Variants in ITGB2 observed in about 807,000 individuals in gnomAD.
ITGB2 encodes integrin beta-2.
ITGB2 carries 56 observed loss-of-function variants against 86.8 expected under a neutral mutation model. The ratio of observed to expected loss-of-function variants is 0.65; its 90% CI spans 0.52 to 0.81. ITGB2 has a LOEUF of 0.81. ITGB2 is among the 30% of genes least tolerant of loss of function. The pLI, the probability that ITGB2 is intolerant of heterozygous loss-of-function variation, is 0.00. For synonymous variants in ITGB2, 457 were observed against 450.4 expected, an observed-to-expected ratio of 1.01 and a Z score of -0.19; for missense variants, 948 against 1,061.2, an observed-to-expected ratio of 0.89 and a Z score of 1.48.
At chr21:44,928,626 C>CGGGTT (rs1181781266) in intron 1 of ITGB2, 1 of 138,578 alleles carries the variant, frequency 7.2e-6, no homozygotes, top group African/African-American at 2.7e-5. Flanking sequence ...CGGGTCGGGT[C>CGGGTT]GGGTTGGGTC....
intron 3 of ITGB2, 129 bp downstream of exon 3, chr21:44,910,155 C>G (rs1233167836): frequency 4.1e-6 from 5 of 1,213,540 alleles, no homozygotes; most frequent in Non-Finnish European, 4.6e-6. Flanking sequence ...GAGGGTGAGG[C>G]CAGGGTCTGG....
At chr21:44,920,433 A>G in intron 1 of ITGB2, among the ~76,000 whole-genome samples, 1 of 152,178 alleles carries the variant, frequency 6.6e-6, no homozygotes, top group Non-Finnish European at 1.5e-5. Flanking sequence ...TAACACAGGC[A>G]GGCGCAGCAG....
intron 3 of ITGB2, among the ~76,000 whole-genome samples, chr21:44,907,717 T>G (rs1456346534): frequency 6.6e-6 from 1 of 152,182 alleles, no homozygotes; most frequent in South Asian, 2.1e-4. Context: ...GTGCTGGTGA[T>G]GCGGGGCCAG....
chr21:44,890,008 G>T lies in ITGB2; in HGVS notation c.1627C>A (p.Arg543Ser). The change falls in exon 12 of 16, where the codon CGC (arginine) becomes AGC (serine). Residue 543 changes from arginine (R) to serine (S), a missense_variant. Transcript: ENST00000652462. ...CCGCCGCAGACCTGGCCGTTGTAGC[G>T]CTCACAGTTGATGGTGTCACACTCG... ...YCECDTINCE[R>S]YNGQVCGGPG... 2 of 1,613,362 alleles carry T rather than the reference G, an allele frequency of 1.2e-6. No individual in the cohort carries two copies. The highest frequency in any genetic ancestry group is 2.7e-5 in the African/African-American group (2 of 75,030).
Position 44,909,971 on chromosome 21 carries a change from G to A in ITGB2, c.147+313C>T, listed in dbSNP as rs538540481. Among the ~76,000 whole-genome samples, 10 of 152,352 alleles carry A rather than the reference G, an allele frequency of 6.6e-5. No individual in the cohort carries two copies. The South Asian group carries it at 8.3e-4, about 13-fold the overall frequency. On this transcript the variant is annotated intron_variant, in intron 3 of 15. Coordinates refer to ENST00000652462, the MANE Select transcript of ITGB2 (RefSeq NM_000211.5). ...CGCGCGTGTTTCTGCACTTGCTTAC[G>A]TAGTTTTGTAAGTGAAAACCTTGTT...
chr21:44,910,941 C>T (rs1038384212), intron 1 of ITGB2, 156 bp from the exon 2 acceptor site: 2 of 698,522 alleles, frequency 2.9e-6, no homozygotes, highest in African/African-American at 1.8e-5. Flanking sequence ...CTGCACTGGG[C>T]CCAGCTGCCA....
At chr21:44,901,764 G>A in intron 5 of ITGB2, 31 bp from the exon 6 acceptor site, 2 of 1,590,958 alleles carry the variant, frequency 1.3e-6, no homozygotes, top group South Asian at 2.2e-5. Flanking sequence ...CTGGGGAGGT[G>A]GCAGGCTGGG....
At chr21:44,901,780 GT>G (rs1408381499) in intron 5 of ITGB2, 47 bp from the exon 6 acceptor site, 3 of 1,580,490 alleles carry the variant, frequency 1.9e-6, no homozygotes, top group Admixed American at 3.4e-5. Flanking sequence ...CTGGGCCCAG[GT>G]GGGAGGGCCA....
At position 44,889,278 on chromosome 21, in the gene ITGB2, G is replaced by A. The variant is rs1457633199; in HGVS notation, c.1875C>T (p.Tyr625=). Residue 625 remains tyrosine (Y), a splice_region_variant and synonymous_variant, in exon 13 of 16, where the codon TAC becomes TAT. Transcript: ENST00000652462. ...CTGCCTGCTCCGCCTGCACTCACATGTACTTGCCACAGGGTGAGGGGCAGC... is the reference window on the plus strand; with the variant it reads ...CTGCCTGCTCCGCCTGCACTCACATATACTTGCCACAGGGTGAGGGGCAGC... The part of the protein sequence containing the change: ...CPGCPSPCGK[Y]ISCAECLKFE... 2 of 1,612,554 alleles carry A rather than the reference G, an allele frequency of 1.2e-6. No homozygotes were observed. Among genetic ancestry groups the A allele is most frequent in the Admixed American group, 3.3e-5 (2 of 60,012 alleles).
chr21:44,910,084 G>C (rs776944405), intron 3 of ITGB2, among the ~76,000 whole-genome samples, 200 bp downstream of exon 3: 19 of 152,206 alleles, frequency 1.2e-4, no homozygotes, highest in Non-Finnish European at 2.6e-4. Context: ...AAATACAAGT[G>C]TGTGTTCTGT....
chr21:44,899,363 G>A (rs1373270850), intron 7 of ITGB2, among the ~76,000 whole-genome samples: 1 of 152,252 alleles, frequency 6.6e-6, no homozygotes, highest in Admixed American at 6.5e-5. Flanking sequence ...CATAGACTCG[G>A]GCTTTCAGAG....
At chr21:44,899,892 G>A (rs963231158) in intron 7 of ITGB2, among the ~76,000 whole-genome samples, 1 of 152,214 alleles carries the variant, frequency 6.6e-6, no homozygotes, top group African/African-American at 2.4e-5. Context: ...ACTGGAGGAG[G>A]CGGACTCAGG....
Position 44,888,790 on chromosome 21 carries a change from G to T in ITGB2, c.1983C>A (p.Thr661=), listed in dbSNP as rs532445449. The T allele has an allele frequency of 1.6e-5, 25 of 1,612,110 alleles. No individual in the cohort carries two copies. The highest frequency in any genetic ancestry group is 1.6e-4 in the Middle Eastern group (1 of 6,062). The change falls in exon 14 of 16, where the codon ACC becomes ACA. Residue 661 remains threonine, a synonymous_variant. Coordinates refer to ENST00000652462, the MANE Select transcript of ITGB2 (RefSeq NM_000211.5). ...QLSNNPVKGR[T]CKERDSEGCW... is the part of the protein sequence containing the mutation. ...AGCCCTCTGAGTCCCTCTCCTTGCA[G>T]GTCCTGCCCTTCACGGGGTTGTTCG... is the stretch of plus-strand genomic sequence containing the variant.
chr21:44,898,962 G>A (rs984060338), intron 8 of ITGB2, 105 bp downstream of exon 8: 1 of 930,004 alleles, frequency 1.1e-6, no homozygotes, highest in Non-Finnish European at 1.7e-6. Flanking sequence ...TTGCTCACGT[G>A]CCCAGCATGC....
intron 12 of ITGB2, 60 bp downstream of exon 12, chr21:44,889,918 C>A (rs1245446390): frequency 1.9e-6 from 3 of 1,605,966 alleles, no homozygotes; most frequent in East Asian, 2.2e-5. Context: ...AGAACGCACC[C>A]CCCAACACCA....
chr21:44,900,542 A>G (rs1388061379), intron 6 of ITGB2, 67 bp from the exon 7 acceptor site: 2 of 1,596,544 alleles, frequency 1.3e-6, no homozygotes, highest in East Asian at 4.5e-5. Context: ...TCTGGAGCAG[A>G]GGAGACGATG....
At chr21:44,909,401 T>A (rs1375587091) in intron 3 of ITGB2, 1 of 152,266 alleles carries the variant, frequency 6.6e-6, no homozygotes, top group Non-Finnish European at 1.5e-5. Flanking sequence ...CCTGACTTCC[T>A]CAGAAACGCC....
At chr21:44,910,807 G>A in intron 1 of ITGB2, 22 bp from the exon 2 acceptor site, 2 of 1,610,264 alleles carry the variant, frequency 1.2e-6, no homozygotes, top group Non-Finnish European at 8.5e-7. Context: ...AGGGGTCTTG[G>A]TGACGGTCTC....
At position 44,886,280 on chromosome 21, in the gene ITGB2, A is replaced by G; in HGVS notation, c.*88T>C. On this transcript the variant is annotated 3_prime_UTR_variant, in exon 16 of 16. Transcript: ENST00000652462. ...ACTGGATTTCTGGTTAATTGGTGAC[A>G]TCCTCAAGAGCTGTGGCAAGCCATG... The G allele has an allele frequency of 8.3e-7, 1 of 1,201,280 alleles. No homozygotes were observed. 74.4% of individuals were successfully genotyped at this position (1,201,280 alleles called of 1,614,324 possible). A position where few individuals can be genotyped will look rare whatever the true frequency, so the allele number is the denominator to read the frequency against.
Sources: gnomAD v4.1 joint callset for allele counts (sites outside exome capture counted in the v4.1 genomes callset) on GRCh38, gnomAD v4.1.1 for gene constraint, MANE v1.5 for transcripts, NCBI Gene and HGNC (gene_info 2026-07-23, HGNC 2026-07-21) for gene names.